MYOCD: variants seen among roughly 807,000 people sequenced by gnomAD.
MYOCD encodes myocardin.
In MYOCD, 32 loss-of-function variants were observed where a neutral mutation model predicts 96.1. The ratio of observed to expected loss-of-function variants is 0.33; its 90% CI spans 0.25 to 0.45. The LOEUF is 0.45. Ranked by LOEUF, MYOCD falls within the 20% of genes least tolerant of loss-of-function variation. The pLI is 1.00. For synonymous variants in MYOCD, 469 were observed against 469.0 expected (o/e 1.00, Z 0.00); for missense variants, 1,133 against 1,200.6 (o/e 0.94, Z 0.83).
In MYOCD at chr17:12,763,730, C is replaced by A; in HGVS notation, c.*86C>A. On this transcript the variant is annotated 3_prime_UTR_variant, in exon 14 of 14. Coordinates refer to ENST00000425538, the MANE Select transcript of MYOCD (RefSeq NM_001146312.3). The stretch of plus-strand genomic sequence containing the variant: ...CCATACATACTTTACTGTCCAAAAA[C>A]AGAAGAAGAAGAAGAGAATTAAAAA... The A allele has an allele frequency of 8.7e-7, 1 of 1,154,738 alleles. No homozygotes were observed. The highest frequency in any genetic ancestry group is 1.2e-6 in the Non-Finnish European group (1 of 824,414). The allele number at this position is 1,154,738 out of a possible 1,614,324, so 71.5% of individuals were successfully genotyped here. A position where few individuals can be genotyped will look rare whatever the true frequency, so the allele number is the denominator to read the frequency against.
At chr17:12,762,829 G>T in intron 13 of MYOCD, 1 of 493,802 alleles carries the variant, frequency 2.0e-6, no homozygotes, top group Non-Finnish European at 3.6e-6. Flanking sequence ...AGAGGAGTAG[G>T]CCAGGAACCT....
At chr17:12,720,869 A>G (rs2150688626) in intron 4 of MYOCD, among the ~76,000 whole-genome samples, 1 of 151,942 alleles carries the variant, frequency 6.6e-6, no homozygotes, top group South Asian at 2.1e-4. Flanking sequence ...AAAAATACAA[A>G]CAATTAGCTG....
At chr17:12,745,831 C>A in intron 8 of MYOCD, 88 bp from the exon 9 acceptor site, 4 of 1,394,796 alleles carry the variant, frequency 2.9e-6, no homozygotes, top group Non-Finnish European at 4.0e-6. Context: ...CTGACCCTTG[C>A]AGGCAATCAC....
intron 1 of MYOCD, among the ~76,000 whole-genome samples, chr17:12,689,115 G>T (rs2030313998): frequency 6.6e-6 from 1 of 150,992 alleles, no homozygotes; most frequent in Non-Finnish European, 1.5e-5. Context: ...CTCTTCTTTT[G>T]TCTGCTCCCT....
chr17:12,740,798 G>A (rs1320418184), intron 7 of MYOCD, among the ~76,000 whole-genome samples: 3 of 152,028 alleles, frequency 2.0e-5, no homozygotes, highest in African/African-American at 7.3e-5. Flanking sequence ...GAGTGCAGTG[G>A]CGTGATCTCA....
chr17:12,733,194 C>T (rs376896108), intron 5 of MYOCD, among the ~76,000 whole-genome samples: 93 of 151,570 alleles, frequency 6.1e-4, no homozygotes, highest in African/African-American at 2.1e-3. Flanking sequence ...CCTGTAGGAC[C>T]AGCTACTTGG....
intron 5 of MYOCD, among the ~76,000 whole-genome samples, chr17:12,725,794 A>G (rs1294143847): frequency 1.3e-5 from 2 of 151,962 alleles, no homozygotes; most frequent in Non-Finnish European, 2.9e-5. Context: ...ACATCTGTAT[A>G]TGATGTAGCC....
At chr17:12,672,073 G>C (rs796799862) in intron 1 of MYOCD, 1 of 152,274 alleles carries the variant, frequency 6.6e-6, no homozygotes, top group South Asian at 2.1e-4. Context: ...TTGGGAATAT[G>C]TTTATATTCC....
rs1437352065 is a variant in MYOCD at position 12,752,780 on chromosome 17, A to T, written c.1492A>T (p.Met498Leu). 2 of 1,613,956 alleles carry T rather than the reference A, an allele frequency of 1.2e-6. 1 individual carries two copies. The highest frequency in any genetic ancestry group is 2.2e-5 in the South Asian group (2 of 91,070). The stretch of plus-strand genomic sequence containing the variant: ...CCACGTGTGCACGGAGGAAAGTCTC[A>T]TGAGCAGCCTGAATGGGGGCTCTGT... ...PVHVCTEESL[M>L]SSLNGGSVPS... The change falls in exon 10 of 14, where the codon ATG becomes TTG. Residue 498 changes from methionine to leucine, a missense_variant. By Grantham distance (15) the Met-to-Leu change is conservative (BLOSUM62 2). Transcript: ENST00000425538.
At chr17:12,745,826 C>T in intron 8 of MYOCD, 93 bp from the exon 9 acceptor site, 2 of 1,332,900 alleles carry the variant, frequency 1.5e-6, no homozygotes, top group Non-Finnish European at 2.1e-6. Flanking sequence ...CATGCCTGAC[C>T]CTTGCAGGCA....
rs565842212 is a variant in MYOCD, at chr17:12,758,662, G to T, written c.2331+449G>T. On this transcript the variant is annotated intron_variant, in intron 12 of 13. Transcript: ENST00000425538. The stretch of plus-strand genomic sequence containing the variant: ...TCAGTGACCCTGGCAAAACACTGAC[G>T]GGTATTGAAGCTGGATAATAAATGC... 2.5e-4 allele frequency among the ~76,000 whole-genome samples: 38 copies of T among 152,338 alleles called. No homozygotes were observed. In the East Asian group the frequency reaches 5.0e-3, roughly 20 times the overall value.
chr17:12,698,399 G>A (rs2030882563), intron 1 of MYOCD, among the ~76,000 whole-genome samples: 1 of 152,180 alleles, frequency 6.6e-6, no homozygotes, highest in Non-Finnish European at 1.5e-5. Flanking sequence ...GGCCCTTGAA[G>A]ACCAAGTTCT....
At chr17:12,716,394 G>A (rs770428675) in intron 3 of MYOCD, among the ~76,000 whole-genome samples, 19 of 152,166 alleles carry the variant, frequency 1.2e-4, no homozygotes, top group Non-Finnish European at 2.5e-4. Flanking sequence ...ACTGTAGTGA[G>A]ATAAAAACCC....
chr17:12,671,309 A>G (rs1476181376), intron 1 of MYOCD, among the ~76,000 whole-genome samples: 2 of 152,158 alleles, frequency 1.3e-5, no homozygotes, highest in Non-Finnish European at 2.9e-5. Context: ...AAAACAAGCA[A>G]TATAGGTTTA....
intron 5 of MYOCD, among the ~76,000 whole-genome samples, chr17:12,730,474 A>C (rs1252309601): frequency 6.6e-6 from 1 of 151,974 alleles, no homozygotes; most frequent in Non-Finnish European, 1.5e-5. Flanking sequence ...GACATAAGGC[A>C]AATTTCTAAA....
At chr17:12,715,731 G>A (rs929563421) in intron 3 of MYOCD, among the ~76,000 whole-genome samples, 157 bp downstream of exon 3, 1 of 151,982 alleles carries the variant, frequency 6.6e-6, no homozygotes, top group African/African-American at 2.4e-5. Context: ...CCTATTAACC[G>A]GTAACTATAG....
chr17:12,757,063 G>A (rs2033034132), intron 11 of MYOCD, among the ~76,000 whole-genome samples: 1 of 152,174 alleles, frequency 6.6e-6, no homozygotes. Flanking sequence ...ATTGGGATCA[G>A]GGTGTGTGGG....
chr17:12,736,442 G>A, intron 6 of MYOCD, 106 bp downstream of exon 6: 1 of 1,180,254 alleles, frequency 8.5e-7, no homozygotes, highest in Non-Finnish European at 1.2e-6. Context: ...CTTAGAGAAT[G>A]CAGAGATGTC....
intron 1 of MYOCD, among the ~76,000 whole-genome samples, chr17:12,674,239 C>T (rs1410286087): frequency 6.6e-6 from 1 of 152,148 alleles, no homozygotes; most frequent in African/African-American, 2.4e-5. Flanking sequence ...CAGCTCCTTT[C>T]CTTCTTTCCC....
Sources: gnomAD v4.1 joint callset for allele counts (sites outside exome capture counted in the v4.1 genomes callset) on GRCh38, gnomAD v4.1.1 for gene constraint, MANE v1.5 for transcripts, NCBI Gene and HGNC (gene_info 2026-07-23, HGNC 2026-07-21) for gene names.